The following FSTL5 variants were observed in gnomAD, a reference collection of about 807,000 sequenced individuals.
The protein encoded by FSTL5 is follistatin like 5.
Under a neutral mutation model 89.1 loss-of-function variants are expected in FSTL5, and 62 were observed. The ratio of observed to expected loss-of-function variants is 0.70; its 90% CI spans 0.57 to 0.86. The LOEUF is 0.86. FSTL5 is among the 40% of genes least tolerant of loss of function. The pLI, the probability that FSTL5 is intolerant of heterozygous loss-of-function variation, is 0.00. For missense variants in FSTL5, 1,057 were observed against 1,001.6 expected (o/e 1.06, Z -0.75); for synonymous variants, 383 against 346.2 (o/e 1.11, Z -1.18).
chr4:161,869,506 G>A (rs1192168341), intron 4 of FSTL5, among the ~76,000 whole-genome samples: 2 of 152,138 alleles, frequency 1.3e-5, no homozygotes, highest in African/African-American at 4.8e-5. Context: ...CCCAGCTCTA[G>A]GTAGAGATTA....
chr4:161,461,222 T>C lies in FSTL5; in HGVS notation c.1609-1903A>G, dbSNP rs556881271. Among the ~76,000 whole-genome samples the C allele has an allele frequency of 3.4e-5, 5 of 148,458 alleles. No homozygotes were observed. In the South Asian group the frequency reaches 1.1e-3, roughly 32 times the overall value. ...CTGTAGTCCCAGCACTTCAGGAGGC[T>C]GAGGCAGGCGGATCAGGAGGTCAGG... On this transcript the variant is annotated intron_variant, in intron 13 of 15. Transcript: ENST00000306100.
At chr4:161,835,212 C>G (rs1730995865) in intron 4 of FSTL5, among the ~76,000 whole-genome samples, 1 of 151,770 alleles carries the variant, frequency 6.6e-6, no homozygotes, top group Non-Finnish European at 1.5e-5. Flanking sequence ...AAAGGATTCC[C>G]TATTTAATAA....
At chr4:162,041,439 T>C (rs1436800638) in intron 2 of FSTL5, among the ~76,000 whole-genome samples, 13 of 152,110 alleles carry the variant, frequency 8.5e-5, no homozygotes, top group Non-Finnish European at 1.9e-4. Context: ...AATTTTCTTA[T>C]GTTGGTAAGA....
intron 4 of FSTL5, among the ~76,000 whole-genome samples, chr4:161,841,780 G>C (rs1731219376): frequency 1.3e-5 from 2 of 152,170 alleles, no homozygotes; most frequent in Admixed American, 1.3e-4. Context: ...TGGTGAATCA[G>C]AGCATAATTA....
chr4:161,689,458 AAAT>A (rs1210069595), intron 6 of FSTL5, among the ~76,000 whole-genome samples: 2 of 152,168 alleles, frequency 1.3e-5, no homozygotes, highest in African/African-American at 2.4e-5. Flanking sequence ...AATCTTATTT[AAAT>A]TATTATACTA....
intron 7 of FSTL5, among the ~76,000 whole-genome samples, chr4:161,612,575 T>C (rs1327187200): frequency 6.6e-6 from 1 of 152,248 alleles, no homozygotes; most frequent in Non-Finnish European, 1.5e-5. Flanking sequence ...TATAATTTTC[T>C]AAATTATTTT....
rs1369440419 is a variant in FSTL5 at position 162,082,301 on chromosome 4, C to T, written c.126+28970G>A. ...TTTTCAAATTGCTGCAACTGAATTG[C>T]TATAAGAATTGCTTATGATTATTTT... On this transcript the variant is annotated intron_variant, in intron 2 of 15. Transcript: ENST00000306100. Among the ~76,000 whole-genome samples the T allele has an allele frequency of 2.0e-5, 3 of 151,752 alleles. No homozygotes were observed. In the East Asian group the frequency reaches 5.8e-4, roughly 29 times the overall value.
chr4:161,761,807 TATCC>T (rs1740820437), intron 5 of FSTL5, among the ~76,000 whole-genome samples: 1 of 152,192 alleles, frequency 6.6e-6, no homozygotes, highest in Admixed American at 6.5e-5. Flanking sequence ...TACTGAAGCA[TATCC>T]ATGCATAGGA....
intron 8 of FSTL5, among the ~76,000 whole-genome samples, chr4:161,553,389 T>C (rs998936595): frequency 6.6e-6 from 1 of 151,418 alleles, no homozygotes; most frequent in Non-Finnish European, 1.5e-5. Flanking sequence ...CCAAAGGATG[T>C]AAATATATAT....
At chr4:161,833,841 C>T (rs1730935190) in intron 4 of FSTL5, among the ~76,000 whole-genome samples, 1 of 151,714 alleles carries the variant, frequency 6.6e-6, no homozygotes, top group Non-Finnish European at 1.5e-5. Context: ...ATCCAATTTG[C>T]CAGTCTGTGT....
intron 4 of FSTL5, among the ~76,000 whole-genome samples, chr4:161,886,787 T>C (rs907644520): frequency 5.9e-5 from 9 of 152,282 alleles, no homozygotes; most frequent in Admixed American, 1.3e-4. Flanking sequence ...GAAAAACATA[T>C]AGCACACTCC....
At chr4:161,900,638 CAAA>C (rs58702301) in intron 4 of FSTL5, among the ~76,000 whole-genome samples, 24 of 65,320 alleles carry the variant, frequency 3.7e-4, no homozygotes, top group African/African-American at 8.3e-4. Flanking sequence ...GACTCCATCT[CAAA>C]AAAAAAAAAA....
At chr4:161,710,915 T>C (rs1033510627) in intron 6 of FSTL5, among the ~76,000 whole-genome samples, 2 of 152,128 alleles carry the variant, frequency 1.3e-5, no homozygotes, top group African/African-American at 4.8e-5. Flanking sequence ...CGAATATGTA[T>C]AAATTAGCAC....
intron 7 of FSTL5, among the ~76,000 whole-genome samples, chr4:161,590,421 C>A (rs1733772398): frequency 6.6e-6 from 1 of 152,112 alleles, no homozygotes; most frequent in Non-Finnish European, 1.5e-5. Flanking sequence ...TGCCTGTAAT[C>A]CCAGCTACTC....
intron 6 of FSTL5, among the ~76,000 whole-genome samples, chr4:161,725,293 T>C (rs1739359565): frequency 1.3e-5 from 2 of 152,196 alleles, no homozygotes; most frequent in South Asian, 4.1e-4. Context: ...GCAAAACTCT[T>C]CAATACCATT....
intron 3 of FSTL5, among the ~76,000 whole-genome samples, chr4:161,924,077 A>G (rs1422896616): frequency 6.6e-6 from 1 of 151,774 alleles, no homozygotes; most frequent in Non-Finnish European, 1.5e-5. Context: ...TCTTCTAAGT[A>G]CATTCAGTCA....
chr4:162,158,688 A>T (rs1171502034), intron 1 of FSTL5, among the ~76,000 whole-genome samples: 1 of 152,038 alleles, frequency 6.6e-6, no homozygotes, highest in East Asian at 1.9e-4. Flanking sequence ...CTGCTTTCTT[A>T]TATTCATATG....
chr4:161,437,939 A>C (rs983524730), intron 15 of FSTL5, among the ~76,000 whole-genome samples: 3 of 152,164 alleles, frequency 2.0e-5, no homozygotes, highest in Non-Finnish European at 4.4e-5. Context: ...GATACAATTG[A>C]GACGGAAGAC....
At chr4:161,659,147 A>T (rs1306161655) in intron 6 of FSTL5, among the ~76,000 whole-genome samples, 1 of 152,184 alleles carries the variant, frequency 6.6e-6, no homozygotes, top group African/African-American at 2.4e-5. Context: ...TTCACTAGGA[A>T]TATTAACATG....
Sources: gnomAD v4.1 joint callset for allele counts (sites outside exome capture counted in the v4.1 genomes callset) on GRCh38, gnomAD v4.1.1 for gene constraint, MANE v1.5 for transcripts, NCBI Gene and HGNC (gene_info 2026-07-23, HGNC 2026-07-21) for gene names.